Variants in JOSD1 observed in about 807,000 individuals in gnomAD.
The protein encoded by JOSD1 is Josephin domain containing 1.
A neutral mutation model predicts 24.3 loss-of-function variants in JOSD1; 11 were observed. The ratio of observed to expected loss-of-function variants is 0.45; its 90% confidence interval spans 0.29 to 0.75. The LOEUF (loss-of-function observed/expected upper bound fraction) is 0.75. Ranked by LOEUF, JOSD1 falls within the 30% of genes least tolerant of loss-of-function variation. The pLI is 0.11. For synonymous variants in JOSD1, 106 were observed against 93.8 expected (o/e 1.13, Z -0.75); for missense variants, 184 against 253.5 (o/e 0.73, Z 1.86).
chr22:38,691,600 G>A (rs771729250), intron 2 of JOSD1, among the ~76,000 whole-genome samples: 3 of 152,168 alleles, frequency 2.0e-5, no homozygotes, highest in Admixed American at 6.5e-5. Context: ...CACTGTTCCC[G>A]CTGTCTAGAA....
rs1292351984 is a variant in JOSD1, at chr22:38,686,321, C to T, written c.*1581G>A. On this transcript the variant is annotated 3_prime_UTR_variant, in exon 5 of 5. Coordinates refer to ENST00000683374, the MANE Select transcript of JOSD1 (RefSeq NM_001360236.2). Reference sequence around the variant, plus strand: ...GGGGGGAGAAAGCCCAGCTTCACCCCGTTAAGCTTGCTCAGGATCAACATG... The same window carrying T: ...GGGGGGAGAAAGCCCAGCTTCACCCTGTTAAGCTTGCTCAGGATCAACATG... The T allele has an allele frequency of 1.3e-5, 2 of 152,444 alleles. No individual in the cohort carries two copies. The highest frequency in any genetic ancestry group is 2.4e-5 in the African/African-American group (1 of 41,400). 9.4% of individuals were successfully genotyped at this position (152,444 alleles called of 1,614,324 possible). A position where few individuals can be genotyped will look rare whatever the true frequency, so the allele number is the denominator to read the frequency against.
chr22:38,689,910 TTC>T (rs2092514174), intron 2 of JOSD1, among the ~76,000 whole-genome samples: 2 of 75,892 alleles, frequency 2.6e-5, no homozygotes, highest in Admixed American at 3.1e-4. Flanking sequence ...CCTAAAGGCA[TTC>T]TGTGTGTGTG....
At chr22:38,699,690 A>C in intron 2 of JOSD1, 113 bp downstream of exon 2, 1 of 1,011,976 alleles carries the variant, frequency 9.9e-7, no homozygotes, top group Admixed American at 1.9e-5. Flanking sequence ...ATACCTGCTA[A>C]CGCAATCTAG....
At position 38,700,841 on chromosome 22, in the gene JOSD1, G is replaced by A; in HGVS notation, c.-673C>T. 1.0e-6 allele frequency: 1 copy of A among 984,548 alleles called. No homozygotes were observed. Among genetic ancestry groups the A allele is most frequent in the Non-Finnish European group, 1.2e-6 (1 of 829,608 alleles). 61.0% of individuals were successfully genotyped at this position (984,548 alleles called of 1,614,324 possible). ...TGAGCGCAGGCCCAGACGCCCTCCC[G>A]CCGCGCCCCCGGCCGCAGACCCCAG... On this transcript the variant is annotated 5_prime_UTR_variant, in exon 1 of 5. Transcript: ENST00000683374.
At chr22:38,693,802 A>C (rs2092533484) in intron 2 of JOSD1, among the ~76,000 whole-genome samples, 1 of 152,126 alleles carries the variant, frequency 6.6e-6, no homozygotes, top group Non-Finnish European at 1.5e-5. Flanking sequence ...CTTCCATAGG[A>C]TCTTCCCTGG....
intron 2 of JOSD1, among the ~76,000 whole-genome samples, chr22:38,692,516 C>T (rs1365308294): frequency 2.0e-5 from 3 of 152,102 alleles, no homozygotes; most frequent in African/African-American, 4.8e-5. Context: ...CAGTGGCTCA[C>T]GCCTGTTATC....
At chr22:38,693,585 A>G (rs1337815108) in intron 2 of JOSD1, among the ~76,000 whole-genome samples, 1 of 152,182 alleles carries the variant, frequency 6.6e-6, no homozygotes, top group Non-Finnish European at 1.5e-5. Context: ...CACCATGATC[A>G]TATGGCCTTT....
chr22:38,692,211 A>T (rs2092525860), intron 2 of JOSD1, among the ~76,000 whole-genome samples: 2 of 152,190 alleles, frequency 1.3e-5, no homozygotes, highest in South Asian at 4.1e-4. Context: ...TGAGGATATG[A>T]ATTATTTCTA....
rs760419124 is a variant in JOSD1, at chr22:38,689,392, T to C, written c.218A>G (p.Lys73Arg). 1.9e-6 allele frequency: 3 copies of C among 1,614,238 alleles called. No homozygotes were observed. In the Admixed American group the frequency reaches 5.0e-5, roughly 27 times the overall value. ...GTTGCCATTTCCCAGCATGCTCTTCTTGTGAGGTGTCACCATGGTGTTTGG... is the reference window on the plus strand; with the variant it reads ...GTTGCCATTTCCCAGCATGCTCTTCCTGTGAGGTGTCACCATGGTGTTTGG... Reference protein sequence around the residue: ...LSPNTMVTPHKKSMLGNGNYD... With the variant: ...LSPNTMVTPHRKSMLGNGNYD... The change falls in exon 3 of 5, where the codon AAG (lysine) becomes AGG (arginine). Residue 73 changes from lysine to arginine, a missense_variant. By Grantham distance (26) the Lys-to-Arg change is conservative (BLOSUM62 2). Transcript: ENST00000683374.
intron 2 of JOSD1, among the ~76,000 whole-genome samples, chr22:38,690,637 C>A (rs909701667): frequency 6.6e-6 from 1 of 152,042 alleles, no homozygotes; most frequent in African/African-American, 2.4e-5. Context: ...GAACTCCTAA[C>A]CTTGTGATCC....
intron 2 of JOSD1, among the ~76,000 whole-genome samples, chr22:38,697,256 A>G (rs2145817349): frequency 6.6e-6 from 1 of 152,190 alleles, no homozygotes; most frequent in Non-Finnish European, 1.5e-5. Flanking sequence ...ACACTTCTGT[A>G]TTTTTTGTTC....
rs2092557883 is a variant in JOSD1 at position 38,699,342 on chromosome 22, C to A, written c.185+461G>T. On this transcript the variant is annotated intron_variant, in intron 2 of 4. Transcript: ENST00000683374. Reference sequence around the variant, plus strand: ...TCTTGCTTGTGGTACCCACCACATTCCACCTTTAAAGACAGGTGACTGAAC... The same window carrying A: ...TCTTGCTTGTGGTACCCACCACATTACACCTTTAAAGACAGGTGACTGAAC... 2.6e-5 allele frequency among the ~76,000 whole-genome samples: 4 copies of A among 152,190 alleles called. No individual in the cohort carries two copies. The South Asian group carries it at 8.3e-4, about 32-fold the overall frequency.
Position 38,700,483 on chromosome 22 carries a change from T to C in JOSD1, c.-496A>G. The C allele has an allele frequency of 6.1e-6, 6 of 986,138 alleles. No individual in the cohort carries two copies. The highest frequency in any genetic ancestry group is 7.2e-6 in the Non-Finnish European group (6 of 830,430). 61.1% of individuals were successfully genotyped at this position (986,138 alleles called of 1,614,324 possible). A position where few individuals can be genotyped will look rare whatever the true frequency, so the allele number is the denominator to read the frequency against. On this transcript the variant is annotated 5_prime_UTR_variant, in exon 2 of 5. An upstream open reading frame in the 5' UTR loses its in-frame stop. Transcript: ENST00000683374. ...AAATTTAGCGCACGAGTCGAGTAGC[T>C]AGCGCGGGCCGGCAGGCGTGGGACC...
chr22:38,700,065 C>G lies in JOSD1; in HGVS notation c.-78G>C. On this transcript the variant is annotated 5_prime_UTR_variant, in exon 2 of 5. Transcript: ENST00000683374. ...AGAGGAAGAATGTAAGCTTCTCAGT[C>G]TTTTCCGGATTCCTGAGGTCCACCT... 1 of 1,505,312 alleles carries G rather than the reference C, an allele frequency of 6.6e-7. No homozygotes were observed. Among genetic ancestry groups the G allele is most frequent in the Non-Finnish European group, 8.8e-7 (1 of 1,130,070 alleles). The allele number at this position is 1,505,312 out of a possible 1,614,324, so 93.2% of individuals were successfully genotyped here. A position where few individuals can be genotyped will look rare whatever the true frequency, so the allele number is the denominator to read the frequency against.
In JOSD1 at chr22:38,700,190, A is replaced by C; in HGVS notation, c.-203T>G. 7.9e-7 allele frequency: 1 copy of C among 1,262,366 alleles called. No homozygotes were observed. Among genetic ancestry groups the C allele is most frequent in the Non-Finnish European group, 1.0e-6 (1 of 1,003,200 alleles). The allele number at this position is 1,262,366 out of a possible 1,614,324, so 78.2% of individuals were successfully genotyped here. A position where few individuals can be genotyped will look rare whatever the true frequency, so the allele number is the denominator to read the frequency against. ...CACCTCTTCTCTCTTCTCAATAGAA[A>C]AATAACTTTTGGATTACTTTTATTT... On this transcript the variant is annotated 5_prime_UTR_variant, in exon 2 of 5. Transcript: ENST00000683374.
Position 38,699,854 on chromosome 22 carries a change from A to C in JOSD1, c.134T>G (p.Phe45Cys), listed in dbSNP as rs1352420528. Residue 45 changes from phenylalanine to cysteine, a missense_variant, in exon 2 of 5, where the codon TTC becomes TGC. By Grantham distance (205) the Phe-to-Cys change is radical. Coordinates refer to ENST00000683374, the MANE Select transcript of JOSD1 (RefSeq NM_001360236.2). ...LCALHALNNV[F>C]QDSNAFTRDT... is the part of the protein sequence containing the mutation. ...CCGGGTGAAGGCATTGCTGTCCTGG[A>C]AGACGTTATTGAGGGCGTGGAGGGC... 1 of 1,614,044 alleles carries C rather than the reference A, an allele frequency of 6.2e-7. No individual in the cohort carries two copies. Among genetic ancestry groups the C allele is most frequent in the Non-Finnish European group, 8.5e-7 (1 of 1,180,026 alleles).
At chr22:38,698,352 ACT>A (rs1387171741) in intron 2 of JOSD1, among the ~76,000 whole-genome samples, 20 of 152,212 alleles carry the variant, frequency 1.3e-4, no homozygotes, top group African/African-American at 4.8e-4. Flanking sequence ...GAAAATAATT[ACT>A]CTCATTATAG....
intron 2 of JOSD1, among the ~76,000 whole-genome samples, chr22:38,691,522 T>C (rs928026960): frequency 6.6e-6 from 1 of 152,200 alleles, no homozygotes; most frequent in Non-Finnish European, 1.5e-5. Context: ...CTCTTACCTT[T>C]TATTACACTG....
chr22:38,688,081 C>T (rs2092506045), intron 4 of JOSD1, 80 bp from the exon 5 acceptor site: 1 of 920,638 alleles, frequency 1.1e-6, no homozygotes, highest in South Asian at 1.4e-5. Context: ...CACCTGAAAC[C>T]TCACTCTACC....
Sources: allele counts gnomAD v4.1 joint callset (sites outside exome capture counted in the v4.1 genomes callset), GRCh38; gene constraint gnomAD v4.1.1; transcripts MANE v1.5; gene names NCBI Gene and HGNC (gene_info 2026-07-23, HGNC 2026-07-21).